Variants in ZNF732 observed in about 807,000 individuals in gnomAD.
ZNF732 encodes zinc finger protein LOC654254.
In ZNF732, 12 loss-of-function variants were observed where a neutral mutation model predicts 11.5. The observed-to-expected ratio is 1.05, with a 90% confidence interval of 0.67 to 1.70. The LOEUF is 1.70. ZNF732 is among the 40% of genes most tolerant of loss of function. The pLI is 0.00. For missense variants in ZNF732, 702 were observed against 676.9 expected, an observed-to-expected ratio of 1.04 and a Z score of -0.41; for synonymous variants, 231 against 236.5, an observed-to-expected ratio of 0.98 and a Z score of 0.21.
intron 3 of ZNF732, among the ~76,000 whole-genome samples, chr4:273,421 T>C (rs1719430841): frequency 6.6e-6 from 1 of 151,990 alleles, no homozygotes; most frequent in African/African-American, 2.4e-5. Flanking sequence ...CATGGTCTAA[T>C]TAAACAATTT....
At chr4:274,012 A>C (rs989581454) in intron 3 of ZNF732, among the ~76,000 whole-genome samples, 5 of 151,842 alleles carry the variant, frequency 3.3e-5, no homozygotes, top group Non-Finnish European at 7.4e-5. Context: ...ATGCTCAAGA[A>C]AGTATCTTCC....
Position 295,535 on chromosome 4 carries a change from T to C in ZNF732, c.131-2A>G. 6.2e-7 allele frequency: 1 copy of C among 1,608,276 alleles called. No homozygotes were observed. Among genetic ancestry groups the C allele is most frequent in the Non-Finnish European group, 8.5e-7 (1 of 1,176,848 alleles). On this transcript the variant is annotated splice_acceptor_variant, in intron 2 of 3. Coordinates refer to ENST00000419098, the MANE Select transcript of ZNF732 (RefSeq NM_001137608.3). LOFTEE classifies it high-confidence loss of function. ...GGTCTGGGTTAGAGATAGCAACACCTGTTTATTTTAAAAAATTAACATGCT... is the reference window on the plus strand; with the variant it reads ...GGTCTGGGTTAGAGATAGCAACACCCGTTTATTTTAAAAAATTAACATGCT...
chr4:283,421 G>GA (rs1285861811), intron 3 of ZNF732, among the ~76,000 whole-genome samples: 12 of 147,948 alleles, frequency 8.1e-5, no homozygotes, highest in Admixed American at 2.7e-4. Flanking sequence ...GTTCAAGGAT[G>GA]AAAAAAAAAT....
In ZNF732 at chr4:302,485, G is replaced by A. The variant is rs114674955; in HGVS notation, c.3+2823C>T. 2.1e-3 allele frequency among the ~76,000 whole-genome samples: 319 copies of A among 152,182 alleles called. 1 individual carries two copies. The highest frequency in any genetic ancestry group is 7.3e-3 in the African/African-American group (305 of 41,522). ...CACCTAGTAATCTGAGAACTCATCT[G>A]GGTTTTCTAATTGGTAATATTTATA... On this transcript the variant is annotated intron_variant, in intron 1 of 3. Coordinates refer to ENST00000419098, the MANE Select transcript of ZNF732 (RefSeq NM_001137608.3).
intron 1 of ZNF732, among the ~76,000 whole-genome samples, chr4:300,192 G>T (rs1202197785): frequency 6.6e-6 from 1 of 150,742 alleles, no homozygotes; most frequent in Non-Finnish European, 1.5e-5. Flanking sequence ...GCCAGGCATG[G>T]TGGCTCACGC....
Position 295,507 on chromosome 4 carries a change from C to A in ZNF732, c.157G>T (p.Val53Phe), listed in dbSNP as rs1184737212. 1 of 1,612,824 alleles carries A rather than the reference C, an allele frequency of 6.2e-7. No homozygotes were observed. Among genetic ancestry groups the A allele is most frequent in the Admixed American group, 1.7e-5 (1 of 59,824 alleles). The change falls in exon 3 of 4, where the codon GTC becomes TTC. Residue 53 changes from valine to phenylalanine, a missense_variant. Transcript: ENST00000419098. ...TCCTTTCTTTGCTCCAGATAGATGA[C>A]CAGGTCTGGGTTAGAGATAGCAACA... is the stretch of plus-strand genomic sequence containing the variant. The part of the protein sequence containing the change: ...LGVAISNPDL[V>F]IYLEQRKEPY...
intron 3 of ZNF732, among the ~76,000 whole-genome samples, chr4:274,097 C>T (rs1719444664): frequency 2.0e-5 from 3 of 151,716 alleles, no homozygotes; most frequent in Admixed American, 2.0e-4. Context: ...AAGATATGCA[C>T]ATCCACAAAG....
chr4:271,524 G>T lies in ZNF732; in HGVS notation c.1333C>A (p.Pro445Thr), dbSNP rs782236186. ...TTGCCACACTCTTCACATTTGTAAG[G>T]TTTCTCTCCAGTATGAATTATCTTA... ...KHKIIHTGEK[P>T]YKCEECGKAF... Residue 445 changes from proline to threonine, a missense_variant, in exon 4 of 4, where the codon CCT becomes ACT. Pro to Thr is a conservative substitution (Grantham distance 38). Coordinates refer to ENST00000419098, the MANE Select transcript of ZNF732 (RefSeq NM_001137608.3). 3.7e-6 allele frequency: 6 copies of T among 1,611,428 alleles called. 1 individual carries two copies. The South Asian group carries it at 5.5e-5, about 15-fold the overall frequency.
At chr4:301,626 C>G (rs1720119862) in intron 1 of ZNF732, among the ~76,000 whole-genome samples, 1 of 152,120 alleles carries the variant, frequency 6.6e-6, no homozygotes, top group African/African-American at 2.4e-5. Context: ...GGACAAAAAA[C>G]CAAACACCGC....
chr4:282,096 C>A (rs1296052362), intron 3 of ZNF732, among the ~76,000 whole-genome samples: 1 of 152,044 alleles, frequency 6.6e-6, no homozygotes, highest in African/African-American at 2.4e-5. Context: ...CTCAGTTATA[C>A]AGAAGGGGAA....
At chr4:295,775 A>AT (rs2108659500) in intron 2 of ZNF732, among the ~76,000 whole-genome samples, 1 of 152,346 alleles carries the variant, frequency 6.6e-6, no homozygotes, top group Non-Finnish European at 1.5e-5. Context: ...GGAAACAATA[A>AT]TTTATGTCAT....
At chr4:289,299 C>T (rs1235666839) in intron 3 of ZNF732, among the ~76,000 whole-genome samples, 2 of 152,388 alleles carry the variant, frequency 1.3e-5, no homozygotes, top group South Asian at 2.1e-4. Context: ...TGTGCGCTCG[C>T]GCACATGCTG....
intron 3 of ZNF732, among the ~76,000 whole-genome samples, chr4:290,965 C>G (rs1325203070): frequency 6.6e-6 from 1 of 152,126 alleles, no homozygotes; most frequent in African/African-American, 2.4e-5. Context: ...TATACAGACA[C>G]AGGGCTGCTT....
At position 297,607 on chromosome 4, in the gene ZNF732, T is replaced by TAAAAAAAA. The variant is rs57681246; in HGVS notation, c.4-1460_4-1453dup. On this transcript the variant is annotated intron_variant, in intron 1 of 3. Transcript: ENST00000419098. ...ATTTTTGTGTTGTATTTAAGATTTG[T>TAAAAAAAA]AAAAAAAAAAAAAAAAAAAAAAAAA... 2.2e-4 allele frequency among the ~76,000 whole-genome samples: 22 copies of TAAAAAAAA among 100,988 alleles called. 1 individual carries two copies. The highest frequency in any genetic ancestry group is 7.8e-4 in the South Asian group (2 of 2,556). 66.3% of individuals were successfully genotyped at this position (100,988 alleles called of 152,430 possible). A position where few individuals can be genotyped will look rare whatever the true frequency, so the allele number is the denominator to read the frequency against.
At chr4:299,875 TTTTTTTTA>T in intron 1 of ZNF732, among the ~76,000 whole-genome samples, 1 of 146,134 alleles carries the variant, frequency 6.8e-6, no homozygotes, top group East Asian at 2.0e-4. Context: ...TTTTTTTTTT[TTTTTTTTA>T]AGTAGAGACG....
In ZNF732 at chr4:292,890, CAAAAAAAAAAAAA is replaced by C. The variant is rs34118991; in HGVS notation, c.226+2535_226+2547del. Among the ~76,000 whole-genome samples the C allele has an allele frequency of 1.6e-4, 13 of 79,504 alleles. No individual in the cohort carries two copies. In the South Asian group the frequency reaches 5.4e-3, roughly 33 times the overall value. The allele number at this position is 79,504 out of a possible 152,430, so 52.2% of individuals were successfully genotyped here. A position where few individuals can be genotyped will look rare whatever the true frequency, so the allele number is the denominator to read the frequency against. ...TGAAACTCTGTCTCTACTAAAAACACAAAAAAAAAAAAAAAAAAAAAAAAAAAATTAGCCAGGC... is the reference window on the plus strand; with the variant it reads ...TGAAACTCTGTCTCTACTAAAAACACAAAAAAAAAAAAAAATTAGCCAGGC... On this transcript the variant is annotated intron_variant, in intron 3 of 3. Coordinates refer to ENST00000419098, the MANE Select transcript of ZNF732 (RefSeq NM_001137608.3).
intron 3 of ZNF732, among the ~76,000 whole-genome samples, chr4:279,970 A>T (rs572625806): frequency 6.6e-6 from 1 of 152,198 alleles, no homozygotes; most frequent in Non-Finnish European, 1.5e-5. Context: ...TGAATTACAC[A>T]TATATTTTAA....
intron 3 of ZNF732, among the ~76,000 whole-genome samples, chr4:285,096 G>A (rs574405688): frequency 7.9e-5 from 12 of 152,100 alleles, no homozygotes; most frequent in African/African-American, 1.9e-4. Flanking sequence ...TAGAACTCAC[G>A]GACATCTGAT....
At chr4:290,348 C>G (rs1719818220) in intron 3 of ZNF732, among the ~76,000 whole-genome samples, 2 of 152,208 alleles carry the variant, frequency 1.3e-5, no homozygotes, top group Admixed American at 1.3e-4. Flanking sequence ...TCTGTAACCT[C>G]TCTCAAATTC....
Sources: gnomAD v4.1 joint callset for allele counts (sites outside exome capture counted in the v4.1 genomes callset) on GRCh38, gnomAD v4.1.1 for gene constraint, MANE v1.5 for transcripts, NCBI Gene and HGNC (gene_info 2026-07-23, HGNC 2026-07-21) for gene names.